Variants in AGBL1 observed in about 807,000 individuals in gnomAD.
AGBL1 encodes the protein AGBL carboxypeptidase 1.
In AGBL1, 130 loss-of-function variants were observed where a neutral mutation model predicts 118.9. That is an observed-to-expected ratio of 1.09 (90% CI 0.95 to 1.26). The LOEUF is 1.26. Among genes scored for constraint, AGBL1 ranks in the 50% most tolerant of loss-of-function variants. The pLI, the probability that AGBL1 is intolerant of heterozygous loss-of-function variation, is 0.00. For synonymous variants in AGBL1, 555 were observed against 478.9 expected (o/e 1.16, Z -2.08); for missense variants, 1,584 against 1,298.1 (o/e 1.22, Z -3.38).
At chr15:86,669,186 CTACTG>C (rs2085697902) in intron 21 of AGBL1, among the ~76,000 whole-genome samples, 1 of 152,090 alleles carries the variant, frequency 6.6e-6, no homozygotes, top group Non-Finnish European at 1.5e-5. Flanking sequence ...AAAAATCAAA[CTACTG>C]TACGATGCCC....
rs72751911 is a variant in AGBL1, at chr15:86,818,306, G to A, written c.3159-88781G>A. Among the ~76,000 whole-genome samples the A allele has an allele frequency of 6.3e-3, 960 of 152,278 alleles. 7 individuals are homozygous for A. Among genetic ancestry groups the A allele is most frequent in the Non-Finnish European group, 0.011 (720 of 68,016 alleles). ...TTAGGAACCAGGCCACACAACAGGA[G>A]GTGAGCAGTGGGCCAGTGAGCATGA... On this transcript the variant is annotated intron_variant, in intron 22 of 22. Coordinates refer to ENST00000614907, the MANE Select transcript of AGBL1 (RefSeq NM_001386094.1).
At chr15:86,694,722 G>A (rs1003129645) in intron 22 of AGBL1, among the ~76,000 whole-genome samples, 1 of 151,992 alleles carries the variant, frequency 6.6e-6, no homozygotes, top group Admixed American at 6.6e-5. Flanking sequence ...TATTATGTTG[G>A]CTGTGGGTTT....
intron 22 of AGBL1, among the ~76,000 whole-genome samples, chr15:86,837,131 A>C (rs1596536211): frequency 6.6e-6 from 1 of 151,692 alleles, no homozygotes. Context: ...TTCTTAGCGC[A>C]TTTCACAGTC....
chr15:86,447,427 G>T (rs79986613), intron 18 of AGBL1, among the ~76,000 whole-genome samples: 1 of 152,182 alleles, frequency 6.6e-6, no homozygotes, highest in Non-Finnish European at 1.5e-5. Flanking sequence ...AGCTGACACC[G>T]TGGAAAGCAG....
chr15:86,469,290 T>A (rs778088677), intron 18 of AGBL1, among the ~76,000 whole-genome samples: 13 of 152,184 alleles, frequency 8.5e-5, no homozygotes, highest in South Asian at 2.1e-4. Flanking sequence ...ACTGCTTCTA[T>A]GAGTTAGAAG....
At chr15:86,211,116 A>T (rs1055358105) in intron 5 of AGBL1, among the ~76,000 whole-genome samples, 5 of 152,222 alleles carry the variant, frequency 3.3e-5, no homozygotes, top group Non-Finnish European at 7.3e-5. Flanking sequence ...GGTCCACTCC[A>T]GACCCTGTTT....
chr15:86,428,410 C>T (rs2081893262), intron 18 of AGBL1, among the ~76,000 whole-genome samples: 1 of 152,192 alleles, frequency 6.6e-6, no homozygotes, highest in African/African-American at 2.4e-5. Flanking sequence ...AGATACACAT[C>T]TTCTTATTGA....
intron 22 of AGBL1, among the ~76,000 whole-genome samples, chr15:86,849,035 A>G (rs966719716): frequency 1.3e-5 from 2 of 152,160 alleles, no homozygotes; most frequent in African/African-American, 4.8e-5. Context: ...TTGAGCAGGG[A>G]TCCTCTGGAT....
intron 23 of AGBL1, among the ~76,000 whole-genome samples, chr15:86,947,433 T>G (rs1567253848): frequency 6.6e-6 from 1 of 152,214 alleles, no homozygotes; most frequent in Non-Finnish European, 1.5e-5. Flanking sequence ...TATTTCATAT[T>G]TTATGTTGTT....
intron 1 of AGBL1, among the ~76,000 whole-genome samples, chr15:86,110,229 C>T (rs1049914018): frequency 2.6e-5 from 4 of 152,192 alleles, no homozygotes; most frequent in African/African-American, 9.7e-5. Flanking sequence ...GGGGCACTGA[C>T]CCCTGTGCAG....
chr15:87,030,970 C>T (rs1249890041), downstream of AGBL1, among the ~76,000 whole-genome samples: 1 of 151,970 alleles, frequency 6.6e-6, no homozygotes, highest in Non-Finnish European at 1.5e-5. Context: ...ATACAACCAA[C>T]ACTACTTCAG....
chr15:86,221,096 G>T (rs888693587), intron 5 of AGBL1, among the ~76,000 whole-genome samples: 3 of 152,128 alleles, frequency 2.0e-5, no homozygotes, highest in African/African-American at 7.2e-5. Flanking sequence ...TACCTGGGAG[G>T]CTGAATCAGG....
intron 22 of AGBL1, among the ~76,000 whole-genome samples, chr15:86,884,169 C>T (rs1363148357): frequency 6.6e-6 from 1 of 152,120 alleles, no homozygotes; most frequent in African/African-American, 2.4e-5. Context: ...ACTTTGGGGC[C>T]ATTATTAAGT....
intron 19 of AGBL1, among the ~76,000 whole-genome samples, chr15:86,526,025 AAG>A (rs1258975019): frequency 6.6e-6 from 1 of 152,148 alleles, no homozygotes; most frequent in Non-Finnish European, 1.5e-5. Flanking sequence ...CAAGACAAAA[AAG>A]AAATAATGTT....
At chr15:86,192,437 T>C (rs1477161982) in intron 5 of AGBL1, among the ~76,000 whole-genome samples, 1 of 151,874 alleles carries the variant, frequency 6.6e-6, no homozygotes, top group African/African-American at 2.4e-5. Context: ...TATGTGTATG[T>C]GCACATGTAA....
intron 22 of AGBL1, among the ~76,000 whole-genome samples, chr15:86,715,215 A>G (rs1234539120): frequency 6.6e-6 from 1 of 152,178 alleles, no homozygotes; most frequent in Non-Finnish European, 1.5e-5. Context: ...GGGGAAAATA[A>G]TCTAAATCCT....
chr15:86,179,010 T>G (rs937781600), intron 5 of AGBL1, among the ~76,000 whole-genome samples: 5 of 152,204 alleles, frequency 3.3e-5, no homozygotes, highest in Non-Finnish European at 7.3e-5. Flanking sequence ...TAGGTTAGCA[T>G]CATCTGGTTG....
chr15:86,930,033 G>A (rs571669561), intron 23 of AGBL1, among the ~76,000 whole-genome samples: 2 of 152,020 alleles, frequency 1.3e-5, no homozygotes, highest in African/African-American at 2.4e-5. Flanking sequence ...AACAATCCAC[G>A]CTTGCTTGCC....
chr15:87,019,765 C>A (rs1484771279), intron 24 of AGBL1, among the ~76,000 whole-genome samples: 3 of 151,656 alleles, frequency 2.0e-5, no homozygotes, highest in South Asian at 2.1e-4. Context: ...CAATAAATAA[C>A]CAAGATTAGA....
Sources: gnomAD v4.1 joint callset for allele counts (sites outside exome capture counted in the v4.1 genomes callset) on GRCh38, gnomAD v4.1.1 for gene constraint, MANE v1.5 for transcripts, NCBI Gene and HGNC (gene_info 2026-07-23, HGNC 2026-07-21) for gene names.